Variants in NIN observed in about 807,000 individuals in gnomAD.
The protein encoded by NIN is ninein.
Under a neutral mutation model 257.6 loss-of-function variants are expected in NIN, and 137 were observed. That is an observed-to-expected ratio of 0.53 (90% confidence interval 0.46 to 0.61). The LOEUF is 0.61. NIN is among the 20% of genes least tolerant of loss of function. The pLI, the probability that NIN is intolerant of heterozygous loss-of-function variation, is 0.00. For missense variants in NIN, 2,439 were observed against 2,501.2 expected, an observed-to-expected ratio of 0.98 and a Z score of 0.53; for synonymous variants, 918 against 919.8, an observed-to-expected ratio of 1.00 and a Z score of 0.04.
chr14:50,763,548 T>G (rs1181625608), intron 15 of NIN, among the ~76,000 whole-genome samples: 2 of 152,226 alleles, frequency 1.3e-5, no homozygotes, highest in Non-Finnish European at 2.9e-5. Context: ...GCAGCCAGTT[T>G]TTTGTTTGTT....
chr14:50,755,398 G>A (rs2041974169), intron 18 of NIN, among the ~76,000 whole-genome samples: 1 of 151,442 alleles, frequency 6.6e-6, no homozygotes, highest in African/African-American at 2.4e-5. Context: ...GTCTGAAGAA[G>A]AGGAAAAACT....
Position 50,821,952 on chromosome 14 carries a change from G to T in NIN, c.105C>A (p.Asp35Glu). 2 of 1,614,204 alleles carry T rather than the reference G, an allele frequency of 1.2e-6. No homozygotes were observed. Among genetic ancestry groups the T allele is most frequent in the East Asian group, 2.2e-5 (1 of 44,884 alleles). Residue 35 changes from aspartate (D) to glutamate (E), a missense_variant, in exon 3 of 31, where the codon GAC becomes GAA. Asp to Glu is a conservative substitution (Grantham distance 45). Coordinates refer to ENST00000530997, the MANE Select transcript of NIN (RefSeq NM_020921.4). Reference sequence around the variant, plus strand: ...CCTCCAAGCTCAACATGTGGCAAAGGTCGGTGAGTTCCTCCTGCCCCAGGG... The same window carrying T: ...CCTCCAAGCTCAACATGTGGCAAAGTTCGGTGAGTTCCTCCTGCCCCAGGG... Reference protein sequence around the residue: ...TGSLGQEELTDLCHMLSLEEV... With the variant: ...TGSLGQEELTELCHMLSLEEV...
At chr14:50,745,550 T>A (rs2041500208) in intron 22 of NIN, among the ~76,000 whole-genome samples, 1 of 152,246 alleles carries the variant, frequency 6.6e-6, no homozygotes, top group African/African-American at 2.4e-5. Flanking sequence ...GCTGTAGGAA[T>A]AGTATGACAA....
At chr14:50,824,656 C>T (rs1204164622) in intron 2 of NIN, among the ~76,000 whole-genome samples, 1 of 152,206 alleles carries the variant, frequency 6.6e-6, no homozygotes, top group Non-Finnish European at 1.5e-5. Flanking sequence ...TATCTTCCCC[C>T]AAATGCATAC....
chr14:50,725,774 T>A, intron 30 of NIN, 179 bp downstream of exon 30: 1 of 1,072,504 alleles, frequency 9.3e-7, no homozygotes, highest in Non-Finnish European at 1.3e-6. Flanking sequence ...AAATACAGAG[T>A]TCGTATTTTT....
Position 50,738,277 on chromosome 14 carries a change from AC to A in NIN, c.5637del (p.Gln1879HisfsTer14). The stretch of plus-strand genomic sequence containing the variant: ...TGCTTGGGAAGAAGATTGGATTCCA[AC>A]TGACGGACCTAACAGGAACAAATGT... ...ELTHSREKVR[Q>X]LESNLLPKHQ... On this transcript the variant is annotated frameshift_variant, in exon 27 of 31. Transcript: ENST00000530997. LOFTEE classifies it high-confidence loss of function. The A allele has an allele frequency of 6.2e-7, 1 of 1,613,634 alleles. No homozygotes were observed. Among genetic ancestry groups the A allele is most frequent in the Non-Finnish European group, 8.5e-7 (1 of 1,179,800 alleles).
intron 4 of NIN, among the ~76,000 whole-genome samples, chr14:50,802,510 A>G (rs943864844): frequency 6.6e-6 from 1 of 152,204 alleles, no homozygotes; most frequent in Non-Finnish European, 1.5e-5. Flanking sequence ...TAGAATTTAT[A>G]TACAACTGCC....
At chr14:50,736,389 G>A (rs2040981226) in intron 27 of NIN, among the ~76,000 whole-genome samples, 1 of 151,784 alleles carries the variant, frequency 6.6e-6, no homozygotes, top group African/African-American at 2.4e-5. Context: ...TGCCCACCTC[G>A]GCCTCCCAAA....
At chr14:50,730,812 G>T in intron 28 of NIN, 4 of 766,630 alleles carry the variant, frequency 5.2e-6, no homozygotes, top group African/African-American at 1.8e-5. Flanking sequence ...ATGAATACTG[G>T]CTCTTTCCTT....
chr14:50,821,767 C>T (rs2045233033), intron 3 of NIN, 107 bp downstream of exon 3: 1 of 838,688 alleles, frequency 1.2e-6, no homozygotes, highest in African/African-American at 1.7e-5. Context: ...CATGTAACAG[C>T]CAGGATGCTA....
Position 50,763,900 on chromosome 14 carries a change from A to C in NIN, c.1700T>G (p.Val567Gly). The C allele has an allele frequency of 1.9e-6, 3 of 1,614,062 alleles. No individual in the cohort carries two copies. Among genetic ancestry groups the C allele is most frequent in the Non-Finnish European group, 2.5e-6 (3 of 1,179,926 alleles). The change falls in exon 15 of 31, where the codon GTG (valine) becomes GGG (glycine). Residue 567 changes from valine to glycine, a missense_variant. Physicochemically the swap from Val to Gly is moderately radical, Grantham distance 109. This residue lies in a region of NIN where 2,043 missense variants were observed against 2,050.2 expected (regional missense o/e 1.00). Transcript: ENST00000530997. ...ELEEYRAQGR[V>G]LRLPLKNSPS... is the part of the protein sequence containing the mutation. ...TGAGTTCTTCAACGGAAGCCTGAGC[A>C]CTCTGCCTTGTGCACGATATTCTTC...
At chr14:50,774,254 T>A (rs1226123756) in intron 7 of NIN, among the ~76,000 whole-genome samples, 1 of 152,246 alleles carries the variant, frequency 6.6e-6, no homozygotes, top group East Asian at 1.9e-4. Context: ...CTCAAGCTTC[T>A]AATATTCCTT....
chr14:50,799,391 G>C (rs767141191), intron 4 of NIN, among the ~76,000 whole-genome samples: 1 of 152,184 alleles, frequency 6.6e-6, no homozygotes, highest in Non-Finnish European at 1.5e-5. Flanking sequence ...GGGCCAGGGA[G>C]AGGTGTCCAG....
Position 50,760,457 on chromosome 14 carries a change from T to C in NIN, c.1897-98A>G, listed in dbSNP as rs905788990. The C allele has an allele frequency of 1.1e-3, 1,165 of 1,031,690 alleles. 22 individuals are homozygous for C. In the East Asian group the frequency reaches 0.027, roughly 24 times the overall value. 63.9% of individuals were successfully genotyped at this position (1,031,690 alleles called of 1,614,324 possible). On this transcript the variant is annotated intron_variant, in intron 16 of 30. Coordinates refer to ENST00000530997, the MANE Select transcript of NIN (RefSeq NM_020921.4). ...AATTGCTTTTTTTTTTTTTTTTTTTTTCCCTACAAGACATTTCTCATTTCT... is the reference window on the plus strand; with the variant it reads ...AATTGCTTTTTTTTTTTTTTTTTTTCTCCCTACAAGACATTTCTCATTTCT...
intron 4 of NIN, among the ~76,000 whole-genome samples, chr14:50,804,852 A>G (rs1277627332): frequency 6.6e-6 from 1 of 152,002 alleles, no homozygotes; most frequent in East Asian, 1.9e-4. Flanking sequence ...AAGAAAGTTT[A>G]CAAATTTGTG....
Position 50,761,788 on chromosome 14 carries a change from ACTTT to A in NIN, c.1894_1896+1del, listed in dbSNP as rs755139272. ...AGAAGTGGATTGGTGGGAAGGACTTACTTTATCTTCGAGCTCCAGTCTGAGGCAA... is the reference window on the plus strand; with the variant it reads ...AGAAGTGGATTGGTGGGAAGGACTTAATCTTCGAGCTCCAGTCTGAGGCAA... On this transcript the variant is annotated splice_donor_variant and coding_sequence_variant, in exon 16 of 31. Coordinates refer to ENST00000530997, the MANE Select transcript of NIN (RefSeq NM_020921.4). LOFTEE classifies it high-confidence loss of function. 6.2e-7 allele frequency: 1 copy of A among 1,614,106 alleles called. No individual in the cohort carries two copies. The highest frequency in any genetic ancestry group is 2.2e-5 in the East Asian group (1 of 44,872).
At chr14:50,772,495 G>A in intron 8 of NIN, 27 bp from the exon 9 acceptor site, 1 of 1,609,474 alleles carries the variant, frequency 6.2e-7, no homozygotes. Flanking sequence ...ACTTGAGTAA[G>A]CCTAGCTTGA....
chr14:50,802,533 G>T (rs2044144743), intron 4 of NIN, among the ~76,000 whole-genome samples: 1 of 152,096 alleles, frequency 6.6e-6, no homozygotes. Flanking sequence ...TTATTAGGAG[G>T]CTATAAAAAC....
At chr14:50,744,912 G>A (rs1475910472) in intron 22 of NIN, among the ~76,000 whole-genome samples, 2 of 152,132 alleles carry the variant, frequency 1.3e-5, no homozygotes, top group African/African-American at 4.8e-5. Context: ...CTGGGCGACA[G>A]AGACTCTGTC....
Sources: gnomAD v4.1 joint callset for allele counts (sites outside exome capture counted in the v4.1 genomes callset) on GRCh38, gnomAD v4.1.1 for gene constraint, gnomAD v4.1.1 regional missense constraint, MANE v1.5 for transcripts, NCBI Gene and HGNC (gene_info 2026-07-23, HGNC 2026-07-21) for gene names.